The following PCDH15 variants were observed in gnomAD, a reference collection of about 807,000 sequenced individuals.
The protein encoded by PCDH15 is protocadherin related 15, also known as protocadherin-15.
Under a neutral mutation model 178.5 loss-of-function variants are expected in PCDH15, and 129 were observed. The ratio of observed to expected loss-of-function variants is 0.72; its 90% CI spans 0.63 to 0.84. The LOEUF (loss-of-function observed/expected upper bound fraction) is 0.84, where lower values mean the gene tolerates loss of function less well. PCDH15 is among the 40% of genes least tolerant of loss of function. The pLI, the probability that PCDH15 is intolerant of heterozygous loss-of-function variation, is 0.00. For missense variants in PCDH15, 2,230 were observed against 2,099.9 expected, an observed-to-expected ratio of 1.06 and a Z score of -1.21; for synonymous variants, 800 against 732.0, an observed-to-expected ratio of 1.09 and a Z score of -1.50.
chr10:54,496,356 G>T (rs1430790955), intron 3 of PCDH15, among the ~76,000 whole-genome samples: 1 of 152,026 alleles, frequency 6.6e-6, no homozygotes, highest in Non-Finnish European at 1.5e-5. Context: ...CCTTCTTGCT[G>T]CTTCCACCTT....
intron 5 of PCDH15, among the ~76,000 whole-genome samples, chr10:54,350,442 C>G (rs533387425): frequency 6.6e-6 from 1 of 152,192 alleles, no homozygotes; most frequent in Non-Finnish European, 1.5e-5. Flanking sequence ...AAATGCAACA[C>G]AAAATGGATC....
At chr10:53,817,255 C>A (rs2076093136) in intron 34 of PCDH15, among the ~76,000 whole-genome samples, 1 of 152,124 alleles carries the variant, frequency 6.6e-6, no homozygotes, top group African/African-American at 2.4e-5. Context: ...CTAAATCAAA[C>A]TAGGTTCGCA....
intron 3 of PCDH15, among the ~76,000 whole-genome samples, chr10:54,503,073 C>A (rs899300029): frequency 6.6e-6 from 1 of 151,108 alleles, no homozygotes; most frequent in Non-Finnish European, 1.5e-5. Flanking sequence ...GCTATAAAAT[C>A]TTACTTGTTT....
chr10:54,486,078 A>G (rs2079076008), intron 3 of PCDH15, among the ~76,000 whole-genome samples: 1 of 152,024 alleles, frequency 6.6e-6, no homozygotes. Context: ...ACCAGGTGTT[A>G]GTAATTTGAA....
chr10:55,274,259 G>A (rs1332630735), intron 1 of PCDH15, among the ~76,000 whole-genome samples: 1 of 152,040 alleles, frequency 6.6e-6, no homozygotes, highest in East Asian at 1.9e-4. Context: ...TACACCACAG[G>A]TGATTATGAT....
chr10:55,229,105 C>T (rs1841138739), intron 1 of PCDH15, among the ~76,000 whole-genome samples: 1 of 151,750 alleles, frequency 6.6e-6, no homozygotes, highest in Non-Finnish European at 1.5e-5. Flanking sequence ...AATAAAAAGT[C>T]TCTGAAGTTT....
chr10:54,346,266 G>T, intron 6 of PCDH15, 99 bp downstream of exon 6: 1 of 1,149,826 alleles, frequency 8.7e-7, no homozygotes, highest in Non-Finnish European at 1.3e-6. Flanking sequence ...TACTAATCTG[G>T]TTCTGGAAGT....
intron 2 of PCDH15, among the ~76,000 whole-genome samples, chr10:55,126,446 C>T (rs1343696343): frequency 1.3e-5 from 2 of 152,082 alleles, no homozygotes; most frequent in Non-Finnish European, 1.5e-5. Context: ...TTAACTAGCA[C>T]ATTCCAAATA....
intron 1 of PCDH15, among the ~76,000 whole-genome samples, chr10:54,680,780 G>A (rs1407918356): frequency 6.6e-6 from 1 of 152,136 alleles, no homozygotes; most frequent in East Asian, 1.9e-4. Context: ...TGCCATGATT[G>A]TGAGGCCTCC....
At chr10:55,572,907 C>G (rs1194774958) in intron 2 of PCDH15, among the ~76,000 whole-genome samples, 2 of 151,982 alleles carry the variant, frequency 1.3e-5, no homozygotes, top group African/African-American at 4.8e-5. Context: ...AGCAAAGAAG[C>G]AATGCATGGT....
chr10:54,268,463 T>G (rs2057835608), intron 8 of PCDH15, among the ~76,000 whole-genome samples: 1 of 151,694 alleles, frequency 6.6e-6, no homozygotes, highest in Admixed American at 6.6e-5. Context: ...GCACAGCACT[T>G]GCATGTTCTA....
At chr10:53,827,292 G>A (rs2076742817) in intron 32 of PCDH15, 101 bp downstream of exon 32, 2 of 1,387,502 alleles carry the variant, frequency 1.4e-6, no homozygotes, top group African/African-American at 1.5e-5. Context: ...AAAATAAATA[G>A]TCCATGTAGG....
chr10:54,061,911 TTAC>T (rs761533780), intron 18 of PCDH15, among the ~76,000 whole-genome samples: 10 of 152,134 alleles, frequency 6.6e-5, no homozygotes, highest in African/African-American at 9.7e-5. Flanking sequence ...TTATTATTTG[TTAC>T]TACAACACTA....
chr10:54,323,264 G>T (rs770070099), intron 7 of PCDH15, among the ~76,000 whole-genome samples: 1 of 152,082 alleles, frequency 6.6e-6, no homozygotes, highest in Non-Finnish European at 1.5e-5. Context: ...TGCTGTTGGT[G>T]GGTATGTAAA....
chr10:54,435,974 A>G (rs2075357143), intron 3 of PCDH15, among the ~76,000 whole-genome samples: 1 of 149,390 alleles, frequency 6.7e-6, no homozygotes, highest in Non-Finnish European at 1.5e-5. Flanking sequence ...CATCTTAAAA[A>G]AATGAAAGAA....
chr10:55,364,394 T>C (rs1845302253), intron 2 of PCDH15, among the ~76,000 whole-genome samples: 1 of 152,224 alleles, frequency 6.6e-6, no homozygotes, highest in South Asian at 2.1e-4. Flanking sequence ...TGTCAGCACT[T>C]TAAAAATGTC....
intron 2 of PCDH15, among the ~76,000 whole-genome samples, chr10:55,435,331 A>G (rs997935070): frequency 6.6e-6 from 1 of 152,200 alleles, no homozygotes; most frequent in African/African-American, 2.4e-5. Flanking sequence ...AATATTAACT[A>G]TTATTTTTAA....
intron 2 of PCDH15, among the ~76,000 whole-genome samples, chr10:55,111,833 A>G (rs1251595580): frequency 6.6e-6 from 1 of 152,236 alleles, no homozygotes; most frequent in African/African-American, 2.4e-5. Flanking sequence ...GGCCTGGGCA[A>G]CAAGAGTGAA....
intron 2 of PCDH15, among the ~76,000 whole-genome samples, chr10:54,915,401 C>T (rs1488085662): frequency 6.6e-6 from 1 of 152,146 alleles, no homozygotes; most frequent in Non-Finnish European, 1.5e-5. Flanking sequence ...ATATAGGAGT[C>T]CATGAGATAG....
Sources: allele counts gnomAD v4.1 joint callset (sites outside exome capture counted in the v4.1 genomes callset), GRCh38; gene constraint gnomAD v4.1.1; transcripts MANE v1.5; gene names NCBI Gene and HGNC (gene_info 2026-07-23, HGNC 2026-07-21).